Variants in CNTN5 observed in about 807,000 individuals in gnomAD.
The protein encoded by CNTN5 is contactin-5.
In CNTN5, 77 loss-of-function variants were observed where a neutral mutation model predicts 129.1. That is an observed-to-expected ratio of 0.60 (90% confidence interval 0.50 to 0.72). The LOEUF is 0.72. Among genes scored for constraint, CNTN5 ranks in the 30% least tolerant of loss-of-function variants. The pLI, the probability that CNTN5 is intolerant of heterozygous loss-of-function variation, is 0.00. For synonymous variants in CNTN5, 509 were observed against 465.6 expected, an observed-to-expected ratio of 1.09 and a Z score of -1.20; for missense variants, 1,478 against 1,328.8, an observed-to-expected ratio of 1.11 and a Z score of -1.75.
intron 1 of CNTN5, among the ~76,000 whole-genome samples, chr11:99,166,360 C>T (rs900047576): frequency 1.4e-5 from 2 of 145,368 alleles, no homozygotes; most frequent in African/African-American, 5.1e-5. Context: ...AAGATTGCGC[C>T]ATTGCACCCA....
intron 6 of CNTN5, among the ~76,000 whole-genome samples, chr11:99,908,911 A>G (rs1043131554): frequency 1.3e-5 from 2 of 152,032 alleles, no homozygotes; most frequent in African/African-American, 4.8e-5. Flanking sequence ...TTAATGTCTG[A>G]TAATATGTAA....
intron 17 of CNTN5, among the ~76,000 whole-genome samples, chr11:100,267,903 T>C (rs1253798599): frequency 6.6e-6 from 1 of 152,160 alleles, no homozygotes; most frequent in African/African-American, 2.4e-5. Flanking sequence ...TGATGGTGCT[T>C]CAATGTGACA....
At chr11:99,531,033 A>G (rs1472052857) in intron 2 of CNTN5, among the ~76,000 whole-genome samples, 1 of 152,214 alleles carries the variant, frequency 6.6e-6, no homozygotes, top group African/African-American at 2.4e-5. Context: ...CAGAGGCTGG[A>G]ACAGTTTGGA....
intron 1 of CNTN5, among the ~76,000 whole-genome samples, chr11:99,087,428 A>G (rs930528729): frequency 2.0e-5 from 3 of 152,208 alleles, no homozygotes; most frequent in Non-Finnish European, 4.4e-5. Flanking sequence ...TTGCTTATAT[A>G]CCAGATACAA....
chr11:100,105,051 C>T (rs1307220198), intron 13 of CNTN5, among the ~76,000 whole-genome samples: 2 of 152,132 alleles, frequency 1.3e-5, no homozygotes, highest in East Asian at 3.9e-4. Context: ...CTGATTTCAC[C>T]ATATATCCTC....
intron 3 of CNTN5, among the ~76,000 whole-genome samples, chr11:99,812,511 T>G (rs1946459844): frequency 6.6e-6 from 1 of 152,138 alleles, no homozygotes; most frequent in Non-Finnish European, 1.5e-5. Context: ...AAGCATAGTT[T>G]CAACTGTTTT....
intron 2 of CNTN5, among the ~76,000 whole-genome samples, chr11:99,521,787 C>T (rs1453111187): frequency 6.6e-6 from 1 of 152,112 alleles, no homozygotes; most frequent in Non-Finnish European, 1.5e-5. Context: ...CTTTTCCTCG[C>T]ATTTTGCTTT....
At chr11:99,183,321 A>C (rs1212629683) in intron 1 of CNTN5, among the ~76,000 whole-genome samples, 1 of 152,218 alleles carries the variant, frequency 6.6e-6, no homozygotes, top group Non-Finnish European at 1.5e-5. Context: ...CAAGGACTCC[A>C]AACCATTCTG....
At chr11:99,612,214 T>C (rs1177253765) in intron 3 of CNTN5, among the ~76,000 whole-genome samples, 1 of 152,160 alleles carries the variant, frequency 6.6e-6, no homozygotes, top group East Asian at 1.9e-4. Context: ...AAAGCTACTA[T>C]ATTGCAAAGT....
intron 6 of CNTN5, among the ~76,000 whole-genome samples, chr11:99,882,781 G>A (rs943076561): frequency 2.6e-5 from 4 of 151,994 alleles, no homozygotes; most frequent in Non-Finnish European, 4.4e-5. Flanking sequence ...TTAGCCTGTC[G>A]TGCTATCAAA....
intron 3 of CNTN5, among the ~76,000 whole-genome samples, chr11:99,713,560 T>C (rs768107899): frequency 8.6e-5 from 13 of 151,896 alleles, no homozygotes; most frequent in Admixed American, 3.9e-4. Flanking sequence ...CTGGGGTAAA[T>C]TGCAGAAAAA....
chr11:100,341,079 T>C lies in CNTN5; in HGVS notation c.2918-14T>C. 6.4e-7 allele frequency: 1 copy of C among 1,569,624 alleles called. No individual in the cohort carries two copies. The highest frequency in any genetic ancestry group is 1.1e-5 in the South Asian group (1 of 90,082). On this transcript the variant is annotated splice_polypyrimidine_tract_variant and intron_variant, in intron 22 of 24. Coordinates refer to ENST00000524871, the MANE Select transcript of CNTN5 (RefSeq NM_014361.4). ...AGAATCCTTGTCAGTTCACTTTCAC[T>C]TTTTATTTTGCAGCTCCTAGTCAAG...
chr11:99,722,874 C>G (rs538301728), intron 3 of CNTN5, among the ~76,000 whole-genome samples: 1 of 152,114 alleles, frequency 6.6e-6, no homozygotes, highest in South Asian at 2.1e-4. Context: ...TATACCTCAA[C>G]TCTCCGGGAA....
At chr11:100,068,406 AG>A (rs1943776527) in intron 10 of CNTN5, among the ~76,000 whole-genome samples, 2 of 152,164 alleles carry the variant, frequency 1.3e-5, no homozygotes, top group African/African-American at 4.8e-5. Flanking sequence ...AATCGTGAGT[AG>A]AATTAAAAGA....
chr11:99,884,316 TATAAC>T (rs1948843297), intron 6 of CNTN5, among the ~76,000 whole-genome samples: 3 of 152,338 alleles, frequency 2.0e-5, no homozygotes, highest in South Asian at 4.1e-4. Context: ...AGATACGGAA[TATAAC>T]ATAACTATGT....
intron 1 of CNTN5, among the ~76,000 whole-genome samples, chr11:99,212,163 T>A (rs1859835286): frequency 6.6e-6 from 1 of 152,162 alleles, no homozygotes; most frequent in Non-Finnish European, 1.5e-5. Flanking sequence ...GGCTGGGATA[T>A]AAGTTGGGTT....
chr11:99,078,126 G>A (rs560765687), intron 1 of CNTN5, among the ~76,000 whole-genome samples: 1 of 151,940 alleles, frequency 6.6e-6, no homozygotes, highest in Non-Finnish European at 1.5e-5. Flanking sequence ...CACAAAAATT[G>A]ATATTAATGT....
intron 4 of CNTN5, among the ~76,000 whole-genome samples, chr11:99,831,628 G>A (rs1413538411): frequency 2.6e-5 from 4 of 151,490 alleles, no homozygotes; most frequent in Non-Finnish European, 4.4e-5. Context: ...TTTTTTTGGT[G>A]CAAATTTGGC....
At chr11:99,232,265 A>G (rs979813782) in intron 1 of CNTN5, among the ~76,000 whole-genome samples, 17 of 151,808 alleles carry the variant, frequency 1.1e-4, no homozygotes, top group African/African-American at 4.1e-4. Context: ...CATGATATTG[A>G]TTTTTTCTAC....
Sources: gnomAD v4.1 joint callset for allele counts (sites outside exome capture counted in the v4.1 genomes callset) on GRCh38, gnomAD v4.1.1 for gene constraint, MANE v1.5 for transcripts, NCBI Gene and HGNC (gene_info 2026-07-23, HGNC 2026-07-21) for gene names.